The following SERBP1 variants were observed in gnomAD, a reference collection of about 807,000 sequenced individuals.
The protein encoded by SERBP1 is SERPINE1 mRNA binding protein 1.
SERBP1 carries 6 observed loss-of-function variants against 50.2 expected under a neutral mutation model. The ratio of observed to expected loss-of-function variants is 0.12; its 90% CI spans 0.07 to 0.24. The LOEUF is 0.24. Ranked by LOEUF, SERBP1 falls within the 10% of genes least tolerant of loss-of-function variation. The probability of loss-of-function intolerance (pLI) is 1.00; values close to 1 mark genes in which losing one functional copy is unlikely to be tolerated. For missense variants in SERBP1, 346 were observed against 524.9 expected (o/e 0.66, Z 3.33); for synonymous variants, 168 against 182.8 (o/e 0.92, Z 0.65).
rs995270987 is a variant in SERBP1, at chr1:67,410,980, C to T, written c.*2227G>A. On this transcript the variant is annotated 3_prime_UTR_variant, in exon 8 of 8. Coordinates refer to ENST00000361219, the MANE Select transcript of SERBP1 (RefSeq NM_001018069.2). ...AATTATAAACACACAGGGGTGTGCA[C>T]ACAGGTCAGAAACCAGGAAACACAT... The T allele has an allele frequency of 2.0e-5, 3 of 152,134 alleles. No homozygotes were observed. Among genetic ancestry groups the T allele is most frequent in the Non-Finnish European group, 4.4e-5 (3 of 67,992 alleles). The allele number at this position is 152,134 out of a possible 1,614,324, so 9.4% of individuals were successfully genotyped here.
At chr1:67,413,667 A>T (rs992135736) in intron 7 of SERBP1, among the ~76,000 whole-genome samples, 29 of 151,614 alleles carry the variant, frequency 1.9e-4, no homozygotes, top group African/African-American at 6.8e-4. Flanking sequence ...AAAAAAAAAA[A>T]TCCTACTGTT....
intron 4 of SERBP1, 30 bp downstream of exon 4, chr1:67,424,858 T>C (rs199863476): frequency 8.6e-5 from 134 of 1,561,172 alleles, no homozygotes; most frequent in Non-Finnish European, 8.8e-5. Context: ...TAGTTAGGTA[T>C]AGAATTTTTA....
intron 6 of SERBP1, among the ~76,000 whole-genome samples, chr1:67,415,592 T>C (rs1666978775): frequency 6.6e-6 from 1 of 152,182 alleles, no homozygotes; most frequent in Admixed American, 6.5e-5. Flanking sequence ...ATGTATGCTA[T>C]CACAATCAAC....
intron 6 of SERBP1, among the ~76,000 whole-genome samples, chr1:67,418,476 G>T (rs1279599362): frequency 6.6e-6 from 1 of 151,844 alleles, no homozygotes; most frequent in African/African-American, 2.4e-5. Context: ...TATGCTTATT[G>T]GCTGGGCATG....
chr1:67,415,044 G>A (rs1666957148), intron 7 of SERBP1, 122 bp downstream of exon 7: 3 of 1,087,414 alleles, frequency 2.8e-6, no homozygotes, highest in Admixed American at 6.4e-5. Context: ...CTAACATGCG[G>A]TTTCTTAAAG....
intron 5 of SERBP1, among the ~76,000 whole-genome samples, chr1:67,422,231 G>C (rs944189721): frequency 6.6e-6 from 1 of 152,042 alleles, no homozygotes; most frequent in African/African-American, 2.4e-5. Context: ...AAAAGAAAAA[G>C]TTTAAGGTGC....
At position 67,412,520 on chromosome 1, in the gene SERBP1, G is replaced by T. The variant is rs549109492; in HGVS notation, c.*687C>A. 6.5e-6 allele frequency: 1 copy of T among 152,714 alleles called. No homozygotes were observed. The highest frequency in any genetic ancestry group is 2.1e-4 in the South Asian group (1 of 4,822). 9.5% of individuals were successfully genotyped at this position (152,714 alleles called of 1,614,324 possible). A position where few individuals can be genotyped will look rare whatever the true frequency, so the allele number is the denominator to read the frequency against. ...AAATCAGTTATAATTTGAACCTAAT[G>T]AGCCATGCAAGGAGCAAGGGTTAAT... On this transcript the variant is annotated 3_prime_UTR_variant, in exon 8 of 8. Coordinates refer to ENST00000361219, the MANE Select transcript of SERBP1 (RefSeq NM_001018069.2).
chr1:67,418,722 G>A (rs1024764870), intron 6 of SERBP1, among the ~76,000 whole-genome samples: 3 of 151,768 alleles, frequency 2.0e-5, no homozygotes, highest in Non-Finnish European at 2.9e-5. Context: ...TGGTGCCACT[G>A]CATTCCAGCC....
At chr1:67,428,804 AGTT>A (rs1450460863) in intron 1 of SERBP1, among the ~76,000 whole-genome samples, 12 of 152,042 alleles carry the variant, frequency 7.9e-5, no homozygotes, top group African/African-American at 2.7e-4. Flanking sequence ...TTTTAAAATT[AGTT>A]CACTGTTACA....
chr1:67,408,164 T>G lies in SERBP1; in HGVS notation c.*5043A>C, dbSNP rs563221204. 2 of 152,226 alleles carry G rather than the reference T, an allele frequency of 1.3e-5. No homozygotes were observed. Among genetic ancestry groups the G allele is most frequent in the African/African-American group, 4.8e-5 (2 of 41,554 alleles). The allele number at this position is 152,226 out of a possible 1,614,324, so 9.4% of individuals were successfully genotyped here. On this transcript the variant is annotated 3_prime_UTR_variant, in exon 8 of 8. Transcript: ENST00000361219. ...CCCAGTAACACCTAAAGCAACTATT[T>G]AAGGATTAAGCCACACAAGGTCAGA...
In SERBP1 at chr1:67,429,981, G is replaced by C; in HGVS notation, c.313+7C>G. The C allele has an allele frequency of 6.3e-7, 1 of 1,599,776 alleles. No homozygotes were observed. The highest frequency in any genetic ancestry group is 8.5e-7 in the Non-Finnish European group (1 of 1,173,110). Reference sequence around the variant, plus strand: ...CCAGTCTCCCCCACATTCTGCCCCTGCTTTACCTTCTTTCTTAAGCGCCAC... The same window carrying C: ...CCAGTCTCCCCCACATTCTGCCCCTCCTTTACCTTCTTTCTTAAGCGCCAC... On this transcript the variant is annotated splice_region_variant and intron_variant, in intron 1 of 7. Transcript: ENST00000361219.
At chr1:67,417,076 C>T (rs1338550412) in intron 6 of SERBP1, 1 of 152,204 alleles carries the variant, frequency 6.6e-6, no homozygotes, top group Non-Finnish European at 1.5e-5. Flanking sequence ...GTGTGTAGTT[C>T]CAGCTACTCA....
chr1:67,418,740 C>G (rs1270952230), intron 6 of SERBP1, among the ~76,000 whole-genome samples: 1 of 149,302 alleles, frequency 6.7e-6, no homozygotes, highest in Non-Finnish European at 1.5e-5. Flanking sequence ...GCCTGGGCGA[C>G]AGAGCCAGAT....
Position 67,430,164 on chromosome 1 carries a change from A to G in SERBP1, c.137T>C (p.Val46Ala). The G allele has an allele frequency of 1.2e-6, 2 of 1,610,762 alleles. No homozygotes were observed. The highest frequency in any genetic ancestry group is 2.2e-5 in the South Asian group (2 of 90,932). Residue 46 changes from valine (V) to alanine (A), a missense_variant, in exon 1 of 8, where the codon GTT becomes GCT. This residue lies in a region of SERBP1 where 257 missense variants were observed against 331.2 expected (regional missense o/e 0.78). Coordinates refer to ENST00000361219, the MANE Select transcript of SERBP1 (RefSeq NM_001018069.2). Reference protein sequence around the residue: ...NKKKEAGGGGVGGPGAKSAAQ... With the variant: ...NKKKEAGGGGAGGPGAKSAAQ... The stretch of plus-strand genomic sequence containing the variant: ...TGCGCTCTTGGCCCCAGGGCCCCCA[A>G]CGCCGCCCCCGCCGGCTTCTTTTTT...
At chr1:67,422,418 G>C (rs1667229468) in intron 5 of SERBP1, among the ~76,000 whole-genome samples, 1 of 151,742 alleles carries the variant, frequency 6.6e-6, no homozygotes, top group East Asian at 1.9e-4. Flanking sequence ...GCTGAGGCAG[G>C]AGAATTGCTT....
At chr1:67,422,625 G>C (rs1667236974) in intron 5 of SERBP1, among the ~76,000 whole-genome samples, 1 of 149,592 alleles carries the variant, frequency 6.7e-6, no homozygotes, top group South Asian at 2.1e-4. Context: ...TGTAATCCAA[G>C]ACTTTAAACC....
intron 5 of SERBP1, 112 bp downstream of exon 5, chr1:67,424,088 G>A: frequency 1.8e-6 from 2 of 1,119,068 alleles, no homozygotes; most frequent in Non-Finnish European, 2.5e-6. Context: ...AGTCTCCCTT[G>A]TCAAAAACAA....
At position 67,412,747 on chromosome 1, in the gene SERBP1, A is replaced by C. The variant is rs1307291026; in HGVS notation, c.*460T>G. 1 of 154,696 alleles carries C rather than the reference A, an allele frequency of 6.5e-6. No individual in the cohort carries two copies. Among genetic ancestry groups the C allele is most frequent in the Non-Finnish European group, 1.4e-5 (1 of 69,558 alleles). 9.6% of individuals were successfully genotyped at this position (154,696 alleles called of 1,614,324 possible). On this transcript the variant is annotated 3_prime_UTR_variant, in exon 8 of 8. Transcript: ENST00000361219. ...ATCAAAGTTTAACATGTCCCAGTTG[A>C]CCATGTGTGAATATGCAAAGCAGGT...
chr1:67,424,904 C>T lies in SERBP1; in HGVS notation c.679G>A (p.Val227Ile). 6.2e-7 allele frequency: 1 copy of T among 1,611,974 alleles called. No individual in the cohort carries two copies. The highest frequency in any genetic ancestry group is 1.1e-5 in the South Asian group (1 of 90,980). The change falls in exon 4 of 8, where the codon GTC (valine) becomes ATC (isoleucine). Residue 227 changes from valine to isoleucine, a missense_variant. Val to Ile is a conservative substitution (Grantham distance 29). Coordinates refer to ENST00000361219, the MANE Select transcript of SERBP1 (RefSeq NM_001018069.2). ...GGSGSHNWGT[V>I]KDELTDLDQS... ...AATACCAACGTTAATTCGTCTTTGA[C>T]AGTTCCCCAGTTGTGAGATCCGCTA...
Sources: allele counts gnomAD v4.1 joint callset (sites outside exome capture counted in the v4.1 genomes callset), GRCh38; gene constraint gnomAD v4.1.1; regional missense constraint gnomAD v4.1.1; transcripts MANE v1.5; gene names NCBI Gene and HGNC (gene_info 2026-07-23, HGNC 2026-07-21).